The following FAM131B variants were observed in gnomAD, a reference collection of about 807,000 sequenced individuals.
The protein encoded by FAM131B is protein FAM131B.
In FAM131B, 19 loss-of-function variants were observed where a neutral mutation model predicts 42.0. The observed-to-expected ratio is 0.45, with a 90% CI of 0.32 to 0.66. The LOEUF (loss-of-function observed/expected upper bound fraction) is 0.66, where lower values mean the gene tolerates loss of function less well. FAM131B is among the 30% of genes least tolerant of loss of function. The pLI is 0.05. For missense variants in FAM131B, 370 were observed against 468.4 expected, an observed-to-expected ratio of 0.79 and a Z score of 1.94; for synonymous variants, 183 against 177.6, an observed-to-expected ratio of 1.03 and a Z score of -0.24.
the FAM131B span, chr7:143,382,088 C>T: frequency 1.5e-6 from 1 of 656,710 alleles, no homozygotes; most frequent in Non-Finnish European, 2.5e-6. Flanking sequence ...CCTTTCCTGA[C>T]CTGGTACTCC....
chr7:143,369,848 G>A, the FAM131B span, among the ~76,000 whole-genome samples: 1 of 152,152 alleles, frequency 6.6e-6, no homozygotes, highest in Admixed American at 6.5e-5. Context: ...GTTTGGTTAA[G>A]GTTTTGTGAT....
At chr7:143,371,449 A>T in the FAM131B span, among the ~76,000 whole-genome samples, 2 of 151,750 alleles carry the variant, frequency 1.3e-5, no homozygotes, top group Non-Finnish European at 2.9e-5. Context: ...TTGTCTTTAC[A>T]AAAAGAAAAA....
chr7:143,381,797 G>A, the FAM131B span: 4 of 1,531,632 alleles, frequency 2.6e-6, no homozygotes, highest in Non-Finnish European at 3.5e-6. Context: ...GCGGGGCTTG[G>A]GGAATGTACC....
At chr7:143,364,286 A>AT (rs1439289490), upstream of FAM131B, 2 of 106,332 alleles carry the variant, frequency 1.9e-5, no homozygotes, top group African/African-American at 7.6e-5. Context: ...TGGAGAGATG[A>AT]TTAAAAAAAA....
upstream of FAM131B, among the ~76,000 whole-genome samples, chr7:143,362,948 C>T (rs970395198): frequency 9.2e-5 from 14 of 151,856 alleles, no homozygotes; most frequent in Non-Finnish European, 2.1e-4. The surrounding 1 kb of genome is among the most constrained non-coding windows in gnomAD (Gnocchi z 7.7). Flanking sequence ...TCCTCCCGCC[C>T]GTGCCAAGCC....
At chr7:143,370,098 T>G in the FAM131B span, among the ~76,000 whole-genome samples, 2 of 152,140 alleles carry the variant, frequency 1.3e-5, no homozygotes, top group Non-Finnish European at 2.9e-5. Context: ...CTAGTGGTAG[T>G]CAAGCCTGAA....
At chr7:143,374,564 C>T in the FAM131B span, among the ~76,000 whole-genome samples, 1 of 152,166 alleles carries the variant, frequency 6.6e-6, no homozygotes, top group Admixed American at 6.5e-5. Flanking sequence ...TCTTTTCAAT[C>T]GAAAACTCTG....
Position 143,356,919 on chromosome 7 carries a change from G to A in FAM131B, c.714C>T (p.Ser238=), listed in dbSNP as rs759993911. 2 of 1,614,086 alleles carry A rather than the reference G, an allele frequency of 1.2e-6. No homozygotes were observed. The highest frequency in any genetic ancestry group is 1.7e-6 in the Non-Finnish European group (2 of 1,180,018). ...ATCCTGTGGCCGGAGAGGCAATGAG[G>A]GACTGATCGCTGGCTTCCCAGGCAT... ...SSDAWEASDQ[S]LIASPATGSY... The change falls in exon 7 of 7, where the codon TCC becomes TCT. Residue 238 remains serine, a synonymous_variant. Coordinates refer to ENST00000443739, the MANE Select transcript of FAM131B (RefSeq NM_001031690.3). The surrounding 1 kb of genome is among the most constrained non-coding windows in gnomAD (Gnocchi z 4.4).
rs757381054 is a variant in FAM131B at position 143,357,032 on chromosome 7, G to C, written c.611-10C>G. ...GCTTGAGCCAGGGCATCTGGAAAAA[G>C]AATCATGGAGGTCAGTGGGGCCACA... is the stretch of plus-strand genomic sequence containing the variant. On this transcript the variant is annotated splice_polypyrimidine_tract_variant and intron_variant, in intron 6 of 6. Transcript: ENST00000443739. The C allele has an allele frequency of 6.3e-7, 1 of 1,589,680 alleles. No homozygotes were observed. Among genetic ancestry groups the C allele is most frequent in the Non-Finnish European group, 8.6e-7 (1 of 1,158,484 alleles).
rs1293660866 is a variant in FAM131B, at chr7:143,359,130, G to A, written c.269-106C>T. On this transcript the variant is annotated intron_variant, in intron 4 of 6. Transcript: ENST00000443739. The surrounding 1 kb of genome is among the most constrained non-coding windows in gnomAD (Gnocchi z 5.4). ...AGCCCCATGAGGCTCCATCCCACTG[G>A]GCCAGGCTCCCCTAAGGACTCCATA... 1.6e-6 allele frequency: 2 copies of A among 1,244,592 alleles called. No homozygotes were observed. The highest frequency in any genetic ancestry group is 5.0e-5 in the East Asian group (2 of 39,638). The allele number at this position is 1,244,592 out of a possible 1,614,324, so 77.1% of individuals were successfully genotyped here. A position where few individuals can be genotyped will look rare whatever the true frequency, so the allele number is the denominator to read the frequency against.
At position 143,353,872 on chromosome 7, in the gene FAM131B, C is replaced by CG. The variant is rs1457549339; in HGVS notation, c.*2677_*2678insC. The CG allele has an allele frequency of 6.6e-6, 1 of 151,408 alleles. No individual in the cohort carries two copies. Among genetic ancestry groups the CG allele is most frequent in the Non-Finnish European group, 1.5e-5 (1 of 67,848 alleles). 9.4% of individuals were successfully genotyped at this position (151,408 alleles called of 1,614,324 possible). The stretch of plus-strand genomic sequence containing the variant: ...TCAATTGAAAATGAAAGTGCACCCC[C>CG]CCTCCAAAAAAAGAAAATCATTTAG... On this transcript the variant is annotated 3_prime_UTR_variant, in exon 7 of 7. Transcript: ENST00000443739.
chr7:143,362,560 C>T lies in FAM131B; in HGVS notation c.28+16G>A, dbSNP rs925041860. 3 of 1,216,198 alleles carry T rather than the reference C, an allele frequency of 2.5e-6. No individual in the cohort carries two copies. Among genetic ancestry groups the T allele is most frequent in the Admixed American group, 4.3e-5 (1 of 23,298 alleles). 75.3% of individuals were successfully genotyped at this position (1,216,198 alleles called of 1,614,324 possible). On this transcript the variant is annotated intron_variant, in intron 1 of 6. Transcript: ENST00000443739. The surrounding 1 kb of genome is among the most constrained non-coding windows in gnomAD (Gnocchi z 7.7). ...CGGGGGGCCCAGCCCTGCCCCCGCC[C>T]GGCCGCGGTACCCACCCACAGTCCG...
Position 143,360,061 on chromosome 7 carries a change from G to C in FAM131B, c.117C>G (p.Ser39Arg), listed in dbSNP as rs201214299. ...TCACCTCAGTCGATGGCCGATGGAG[G>C]CTGCTCCCGTGCAGTGAGCTGGTGC... ...MDSTSSLHGS[S>R]LHRPSTEQTR... The change falls in exon 2 of 7, where the codon AGC becomes AGG. Residue 39 changes from serine (S) to arginine (R), a missense_variant. Ser to Arg is a moderately radical substitution (Grantham distance 110, BLOSUM62 -1). Coordinates refer to ENST00000443739, the MANE Select transcript of FAM131B (RefSeq NM_001031690.3). The C allele has an allele frequency of 5.6e-6, 9 of 1,613,534 alleles. No individual in the cohort carries two copies. The highest frequency in any genetic ancestry group is 2.2e-5 in the East Asian group (1 of 44,870).
intron 1 of FAM131B, chr7:143,360,950 A>G (rs1803936839): frequency 6.6e-6 from 1 of 152,374 alleles, no homozygotes; most frequent in Non-Finnish European, 1.5e-5. Flanking sequence ...AGACTCCTGG[A>G]CTGAGGGCAG....
upstream of FAM131B, among the ~76,000 whole-genome samples, chr7:143,365,901 G>A (rs1255330635): frequency 1.3e-5 from 2 of 152,202 alleles, no homozygotes; most frequent in Admixed American, 6.5e-5. Context: ...GAGCCACCAC[G>A]CCTGGCTTAC....
the FAM131B span, among the ~76,000 whole-genome samples, chr7:143,370,006 G>A: frequency 1.3e-5 from 2 of 152,316 alleles, no homozygotes; most frequent in African/African-American, 2.4e-5. Context: ...AATTTTGAAC[G>A]CCAGGTGCTG....
Position 143,354,437 on chromosome 7 carries a change from G to C in FAM131B, c.*2113C>G, listed in dbSNP as rs1803564676. 1 of 152,320 alleles carries C rather than the reference G, an allele frequency of 6.6e-6. No homozygotes were observed. The highest frequency in any genetic ancestry group is 6.5e-5 in the Admixed American group (1 of 15,270). The allele number at this position is 152,320 out of a possible 1,614,324, so 9.4% of individuals were successfully genotyped here. A position where few individuals can be genotyped will look rare whatever the true frequency, so the allele number is the denominator to read the frequency against. On this transcript the variant is annotated 3_prime_UTR_variant, in exon 7 of 7. Transcript: ENST00000443739. ...TGGGGGTATGATATGGGCACTGAGA[G>C]GATGAGACGACAGGAAGAGGTGATG...
In FAM131B at chr7:143,356,765, C is replaced by T; in HGVS notation, c.868G>A (p.Gly290Arg). 1.2e-6 allele frequency: 2 copies of T among 1,614,132 alleles called. No homozygotes were observed. Among genetic ancestry groups the T allele is most frequent in the South Asian group, 1.1e-5 (1 of 91,070 alleles). ...CTTGCCAGGTCCACTGCGCCTACCC[C>T]CGGAGCCCAGTCAGTGTCTCCCCCC... ...LLGGDTDWAPGVGAVDLARGP... is the reference protein window; with the variant it reads ...LLGGDTDWAPRVGAVDLARGP... Residue 290 changes from glycine to arginine, a missense_variant, in exon 7 of 7, where the codon GGG (glycine) becomes AGG (arginine). By Grantham distance (125) the Gly-to-Arg change is moderately radical. Transcript: ENST00000443739. The surrounding 1 kb of genome is among the most constrained non-coding windows in gnomAD (Gnocchi z 4.4).
At chr7:143,368,801 G>C in the FAM131B span, among the ~76,000 whole-genome samples, 3 of 152,190 alleles carry the variant, frequency 2.0e-5, no homozygotes, top group Admixed American at 6.5e-5. Flanking sequence ...TGCAACTTCA[G>C]CTTGGATTCC....
Sources: gnomAD v4.1 joint callset for allele counts (sites outside exome capture counted in the v4.1 genomes callset) on GRCh38, gnomAD v4.1.1 for gene constraint, Gnocchi (gnomAD v3.1) non-coding constraint, MANE v1.5 for transcripts, NCBI Gene and HGNC (gene_info 2026-07-23, HGNC 2026-07-21) for gene names.